The following ROBO2 variants were observed in gnomAD, a reference collection of about 807,000 sequenced individuals.
ROBO2 encodes the protein roundabout homolog 2.
In ROBO2, 53 loss-of-function variants were observed where a neutral mutation model predicts 160.8. The ratio of observed to expected loss-of-function variants is 0.33; its 90% CI spans 0.26 to 0.41. ROBO2 has a LOEUF of 0.41. ROBO2 is among the 10% of genes least tolerant of loss of function. The probability of loss-of-function intolerance (pLI) is 1.00; values close to 1 mark genes in which losing one functional copy is unlikely to be tolerated. For missense variants in ROBO2, 1,577 were observed against 1,722.4 expected, an observed-to-expected ratio of 0.92 and a Z score of 1.49; for synonymous variants, 664 against 611.7, an observed-to-expected ratio of 1.09 and a Z score of -1.26.
chr3:75,994,562 G>A (rs1481017309), intron 2 of ROBO2, among the ~76,000 whole-genome samples: 1 of 152,188 alleles, frequency 6.6e-6, no homozygotes, highest in Non-Finnish European at 1.5e-5. Context: ...CTTCCACCAT[G>A]ATTGTAAGTT....
At chr3:76,853,523 T>G (rs2069650991) in intron 2 of ROBO2, among the ~76,000 whole-genome samples, 1 of 152,120 alleles carries the variant, frequency 6.6e-6, no homozygotes, top group Non-Finnish European at 1.5e-5. Flanking sequence ...ATGTGATAAG[T>G]AAGTTTCCTA....
intron 22 of ROBO2, among the ~76,000 whole-genome samples, chr3:77,620,509 C>T (rs140647227): frequency 3.3e-5 from 5 of 152,312 alleles, no homozygotes; most frequent in African/African-American, 7.2e-5. Flanking sequence ...TATCCTCAAG[C>T]TTTTCTGTAC....
chr3:77,060,947 T>TG (rs2066238708), intron 1 of ROBO2, among the ~76,000 whole-genome samples: 1 of 152,032 alleles, frequency 6.6e-6, no homozygotes. Context: ...TTTTTTTTTT[T>TG]TTTAAAGAGA....
chr3:77,389,079 G>T (rs2074433527), intron 2 of ROBO2, among the ~76,000 whole-genome samples: 1 of 152,066 alleles, frequency 6.6e-6, no homozygotes, highest in African/African-American at 2.4e-5. Context: ...CGAGTAGCTG[G>T]GATTACAGCC....
chr3:76,524,235 A>G (rs961884134), intron 2 of ROBO2, among the ~76,000 whole-genome samples: 1 of 152,036 alleles, frequency 6.6e-6, no homozygotes, highest in Non-Finnish European at 1.5e-5. Context: ...ATATATTATA[A>G]AAATAGAGTG....
intron 2 of ROBO2, among the ~76,000 whole-genome samples, chr3:76,887,410 A>G (rs2148793593): frequency 6.6e-6 from 1 of 152,150 alleles, no homozygotes; most frequent in Middle Eastern, 3.4e-3. Context: ...AAAATAAAGC[A>G]AAAACAGAGG....
intron 13 of ROBO2, among the ~76,000 whole-genome samples, chr3:77,573,181 G>T (rs1296209429): frequency 6.6e-6 from 1 of 151,892 alleles, no homozygotes; most frequent in Non-Finnish European, 1.5e-5. Context: ...CATAGTTTGT[G>T]TTTAAATCAA....
At chr3:76,470,413 CAT>C (rs1413352110) in intron 2 of ROBO2, among the ~76,000 whole-genome samples, 2 of 152,114 alleles carry the variant, frequency 1.3e-5, no homozygotes, top group African/African-American at 4.8e-5. Flanking sequence ...TGACCAGGAT[CAT>C]AGTCATCTGA....
chr3:77,066,973 C>T (rs1374785818), intron 1 of ROBO2, among the ~76,000 whole-genome samples: 2 of 151,152 alleles, frequency 1.3e-5, no homozygotes, highest in African/African-American at 4.9e-5. Context: ...TTTTCCCCTC[C>T]CCCCTCCACC....
chr3:76,493,377 A>G (rs2079958538), intron 2 of ROBO2, among the ~76,000 whole-genome samples: 1 of 145,514 alleles, frequency 6.9e-6, no homozygotes, highest in Non-Finnish European at 1.5e-5. Flanking sequence ...TTGTATATAC[A>G]TGTACAAAAA....
chr3:76,736,739 A>C (rs1403484610), intron 2 of ROBO2, among the ~76,000 whole-genome samples: 3 of 152,210 alleles, frequency 2.0e-5, no homozygotes, highest in Non-Finnish European at 2.9e-5. Flanking sequence ...GGTATGATCT[A>C]ATCTATTTCA....
intron 2 of ROBO2, among the ~76,000 whole-genome samples, chr3:76,269,498 G>A (rs541911584): frequency 1.7e-4 from 26 of 151,142 alleles, no homozygotes; most frequent in African/African-American, 5.3e-4. Flanking sequence ...CTTCTGAATG[G>A]ATGATCACAT....
At chr3:77,006,921 T>C (rs2061610875) in intron 2 of ROBO2, among the ~76,000 whole-genome samples, 1 of 152,130 alleles carries the variant, frequency 6.6e-6, no homozygotes, top group Non-Finnish European at 1.5e-5. Flanking sequence ...TTAGGATGAA[T>C]GAGGAAAATA....
At chr3:76,834,544 T>G (rs1255904379) in intron 2 of ROBO2, among the ~76,000 whole-genome samples, 1 of 152,004 alleles carries the variant, frequency 6.6e-6, no homozygotes, top group Non-Finnish European at 1.5e-5. Flanking sequence ...GGCTAATTTT[T>G]ATATTTTTTG....
chr3:77,456,797 G>T (rs1007533244), intron 2 of ROBO2, among the ~76,000 whole-genome samples: 2 of 152,112 alleles, frequency 1.3e-5, no homozygotes, highest in African/African-American at 2.4e-5. Context: ...CACACTTACT[G>T]AAAAAGGAGG....
intron 2 of ROBO2, among the ~76,000 whole-genome samples, chr3:76,657,829 A>G (rs1202586387): frequency 6.8e-6 from 1 of 147,978 alleles, no homozygotes; most frequent in Non-Finnish European, 1.5e-5. Context: ...GTGTATATAT[A>G]TGTATATGTG....
intron 2 of ROBO2, among the ~76,000 whole-genome samples, chr3:76,399,442 C>G (rs974867032): frequency 1.3e-5 from 2 of 151,700 alleles, no homozygotes; most frequent in African/African-American, 4.8e-5. Context: ...AAACTAAGCT[C>G]TCCAGGAATC....
At chr3:75,947,126 G>T (rs1948332512) in intron 2 of ROBO2, among the ~76,000 whole-genome samples, 2 of 152,114 alleles carry the variant, frequency 1.3e-5, no homozygotes, top group African/African-American at 4.8e-5. Flanking sequence ...GTCACTTTTA[G>T]TGAAATGGCA....
chr3:76,257,938 A>G (rs182423388), intron 2 of ROBO2, among the ~76,000 whole-genome samples: 1 of 152,274 alleles, frequency 6.6e-6, no homozygotes, highest in East Asian at 1.9e-4. Flanking sequence ...AAAACAGACA[A>G]AAACGCTTCA....
Sources: gnomAD v4.1 joint callset for allele counts (sites outside exome capture counted in the v4.1 genomes callset) on GRCh38, gnomAD v4.1.1 for gene constraint, MANE v1.5 for transcripts, NCBI Gene and HGNC (gene_info 2026-07-23, HGNC 2026-07-21) for gene names.